The following CDH18 variants were observed in gnomAD, a reference collection of about 807,000 sequenced individuals.
CDH18 encodes the protein cadherin-18.
Under a neutral mutation model 67.9 loss-of-function variants are expected in CDH18, and 31 were observed. The ratio of observed to expected loss-of-function variants is 0.46; its 90% CI spans 0.34 to 0.62. The LOEUF is 0.62. Among genes scored for constraint, CDH18 ranks in the 20% least tolerant of loss-of-function variants. The pLI, the probability that CDH18 is intolerant of heterozygous loss-of-function variation, is 0.01. For synonymous variants in CDH18, 362 were observed against 347.2 expected (o/e 1.04, Z -0.48); for missense variants, 890 against 975.5 (o/e 0.91, Z 1.17).
At chr5:20,292,116 C>A (rs1747148130) in intron 1 of CDH18, among the ~76,000 whole-genome samples, 1 of 152,164 alleles carries the variant, frequency 6.6e-6, no homozygotes, top group African/African-American at 2.4e-5. Flanking sequence ...GATGCTGATG[C>A]AATGTAAGAA....
intron 2 of CDH18, among the ~76,000 whole-genome samples, chr5:19,911,213 A>T (rs1021469001): frequency 1.3e-5 from 2 of 152,150 alleles, no homozygotes; most frequent in African/African-American, 4.8e-5. Flanking sequence ...GTGAGAAGCC[A>T]TAGAAAGGTA....
intron 12 of CDH18, among the ~76,000 whole-genome samples, chr5:19,482,262 CCTG>C (rs1401797222): frequency 6.6e-6 from 1 of 151,946 alleles, no homozygotes; most frequent in Non-Finnish European, 1.5e-5. Context: ...ACTACAGGTG[CCTG>C]CCACCACCCC....
intron 2 of CDH18, among the ~76,000 whole-genome samples, chr5:20,167,917 G>T (rs895492485): frequency 3.3e-5 from 5 of 152,150 alleles, no homozygotes; most frequent in Admixed American, 6.6e-5. Context: ...TAGTCCATGC[G>T]GGTTAGCTTC....
intron 9 of CDH18, among the ~76,000 whole-genome samples, chr5:19,524,422 A>T (rs2126931189): frequency 6.6e-6 from 1 of 151,442 alleles, no homozygotes; most frequent in African/African-American, 2.4e-5. Flanking sequence ...CTAACATTAA[A>T]TATCACTTTA....
intron 2 of CDH18, among the ~76,000 whole-genome samples, chr5:20,222,777 G>T (rs1416117589): frequency 6.6e-6 from 1 of 151,722 alleles, no homozygotes; most frequent in Admixed American, 6.6e-5. Flanking sequence ...TTAACAAAAT[G>T]AACCAGAAGT....
At chr5:19,709,325 T>C (rs1051305765) in intron 5 of CDH18, among the ~76,000 whole-genome samples, 3 of 152,096 alleles carry the variant, frequency 2.0e-5, no homozygotes, top group Admixed American at 6.6e-5. Context: ...CCCAGCACAT[T>C]GGGAGGCCAA....
chr5:20,100,842 T>G (rs1391494361), intron 2 of CDH18, among the ~76,000 whole-genome samples: 4 of 152,182 alleles, frequency 2.6e-5, no homozygotes, highest in Non-Finnish European at 5.9e-5. Flanking sequence ...TATCTGTTGT[T>G]TAGTTGATAG....
At chr5:19,952,199 G>A (rs554222826) in intron 2 of CDH18, among the ~76,000 whole-genome samples, 1 of 151,892 alleles carries the variant, frequency 6.6e-6, no homozygotes, top group African/African-American at 2.4e-5. Context: ...ACAGGCACCC[G>A]CCACCACACC....
chr5:20,493,356 TAAAAAAAAAAAAAAAA>T (rs148292031), intron 1 of CDH18, among the ~76,000 whole-genome samples: 1 of 47,208 alleles, frequency 2.1e-5, no homozygotes, highest in Admixed American at 4.2e-4. Flanking sequence ...TTCAGAAAAT[TAAAAAAAAAAAAAAAA>T]AAAAAAAAAA....
At chr5:20,385,062 C>A (rs573974094) in intron 1 of CDH18, among the ~76,000 whole-genome samples, 7 of 152,222 alleles carry the variant, frequency 4.6e-5, no homozygotes, top group Admixed American at 1.3e-4. Context: ...GTCTCGAGCT[C>A]CTGACCTCAA....
At chr5:19,654,988 G>A (rs1189206869) in intron 5 of CDH18, among the ~76,000 whole-genome samples, 1 of 152,100 alleles carries the variant, frequency 6.6e-6, no homozygotes, top group African/African-American at 2.4e-5. Flanking sequence ...CCTGGGGTTT[G>A]GAGTTTATAT....
At chr5:20,564,685 T>C (rs902363829) in intron 1 of CDH18, among the ~76,000 whole-genome samples, 3 of 152,180 alleles carry the variant, frequency 2.0e-5, no homozygotes. Context: ...AAAAACATTT[T>C]AGCAGTAATT....
At chr5:19,701,386 A>G (rs1364958891) in intron 5 of CDH18, among the ~76,000 whole-genome samples, 1 of 152,186 alleles carries the variant, frequency 6.6e-6, no homozygotes, top group African/African-American at 2.4e-5. Flanking sequence ...GAAGACAGTG[A>G]AAAGATAGAA....
At chr5:20,443,531 T>C (rs563508781) in intron 1 of CDH18, among the ~76,000 whole-genome samples, 13 of 151,956 alleles carry the variant, frequency 8.6e-5, no homozygotes, top group African/African-American at 3.2e-4. Flanking sequence ...ACAAAATCAA[T>C]AGTGAACGCC....
chr5:20,390,067 C>T (rs1158461732), intron 1 of CDH18, among the ~76,000 whole-genome samples: 1 of 152,164 alleles, frequency 6.6e-6, no homozygotes, highest in African/African-American at 2.4e-5. Context: ...CCATTAAGGA[C>T]ATAGGCATAG....
At chr5:20,219,738 T>A (rs1212046827) in intron 2 of CDH18, among the ~76,000 whole-genome samples, 2 of 151,908 alleles carry the variant, frequency 1.3e-5, no homozygotes, top group Non-Finnish European at 2.9e-5. Flanking sequence ...ATCCTTATGA[T>A]CATTTCAATT....
chr5:19,494,158 C>T (rs1741918169), intron 11 of CDH18, among the ~76,000 whole-genome samples: 1 of 152,064 alleles, frequency 6.6e-6, no homozygotes. Context: ...AGAAGATTTC[C>T]ACTCTTAAAT....
chr5:20,212,407 C>T (rs1740424046), intron 2 of CDH18, among the ~76,000 whole-genome samples: 1 of 152,080 alleles, frequency 6.6e-6, no homozygotes, highest in Admixed American at 6.5e-5. Flanking sequence ...GGCCAACATT[C>T]AAATTCAGGA....
At chr5:20,450,573 C>T (rs972422930) in intron 1 of CDH18, among the ~76,000 whole-genome samples, 1 of 152,092 alleles carries the variant, frequency 6.6e-6, no homozygotes, top group Non-Finnish European at 1.5e-5. Flanking sequence ...TGAGTACACA[C>T]ACGCATCCCC....
Sources: gnomAD v4.1 joint callset for allele counts (sites outside exome capture counted in the v4.1 genomes callset) on GRCh38, gnomAD v4.1.1 for gene constraint, MANE v1.5 for transcripts, NCBI Gene and HGNC (gene_info 2026-07-23, HGNC 2026-07-21) for gene names.